Variants in CMSS1 observed in about 807,000 individuals in gnomAD.
CMSS1 encodes protein CMSS1.
CMSS1 carries 33 observed loss-of-function variants against 43.5 expected under a neutral mutation model. The observed-to-expected ratio is 0.76, with a 90% CI of 0.57 to 1.01. The LOEUF is 1.01. Ranked by LOEUF, CMSS1 falls within the 50% of genes least tolerant of loss-of-function variation. The pLI is 0.00. For synonymous variants in CMSS1, 115 were observed against 117.2 expected, an observed-to-expected ratio of 0.98 and a Z score of 0.12; for missense variants, 313 against 326.4, an observed-to-expected ratio of 0.96 and a Z score of 0.32.
At chr3:100,026,205 C>T (rs766037393) in intron 1 of CMSS1, among the ~76,000 whole-genome samples, 7 of 151,980 alleles carry the variant, frequency 4.6e-5, no homozygotes, top group Non-Finnish European at 8.8e-5. Flanking sequence ...CTTTTTATGG[C>T]CTGTTTTAAA....
At chr3:99,923,539 T>C (rs1193029660) in intron 1 of CMSS1, among the ~76,000 whole-genome samples, 1 of 152,204 alleles carries the variant, frequency 6.6e-6, no homozygotes, top group African/African-American at 2.4e-5. Context: ...TAATTCATAT[T>C]GACTAAACAT....
chr3:99,983,255 C>T (rs1709179785), intron 1 of CMSS1, among the ~76,000 whole-genome samples: 2 of 150,984 alleles, frequency 1.3e-5, no homozygotes, highest in East Asian at 1.9e-4. Flanking sequence ...AAGTACCAGC[C>T]GGGCACAGTG....
chr3:100,004,598 A>G (rs1709935689), intron 1 of CMSS1, among the ~76,000 whole-genome samples: 1 of 152,176 alleles, frequency 6.6e-6, no homozygotes, highest in South Asian at 2.1e-4. Flanking sequence ...GAATTAAGAA[A>G]CATCATCATC....
intron 1 of CMSS1, among the ~76,000 whole-genome samples, chr3:99,914,303 G>T (rs1706884557): frequency 2.6e-5 from 4 of 152,290 alleles, no homozygotes; most frequent in Non-Finnish European, 5.9e-5. Context: ...ATTTTTGGAA[G>T]ACCAGTGATG....
At position 99,831,505 on chromosome 3, in the gene CMSS1, C is replaced by G. The variant is rs562232699; in HGVS notation, c.64+13462C>G. 4.6e-5 allele frequency among the ~76,000 whole-genome samples: 7 copies of G among 152,264 alleles called. No individual in the cohort carries two copies. In the South Asian group the frequency reaches 1.4e-3, roughly 32 times the overall value. On this transcript the variant is annotated intron_variant, in intron 1 of 9. Transcript: ENST00000421999. ...AAAAGGAAGGAAACAACTTGGAGATCAGGACATTTCTGTGAACAACCATAT... is the reference window on the plus strand; with the variant it reads ...AAAAGGAAGGAAACAACTTGGAGATGAGGACATTTCTGTGAACAACCATAT...
At chr3:99,928,995 A>T (rs1707385163) in intron 1 of CMSS1, among the ~76,000 whole-genome samples, 1 of 152,222 alleles carries the variant, frequency 6.6e-6, no homozygotes, top group African/African-American at 2.4e-5. Context: ...TAGCAAGGAC[A>T]TTAGAGGTCA....
chr3:100,010,192 C>G, intron 1 of CMSS1: 1 of 894,588 alleles, frequency 1.1e-6, no homozygotes, highest in Non-Finnish European at 1.3e-6. Context: ...TAAAGTATTG[C>G]TATTTTTATC....
intron 1 of CMSS1, among the ~76,000 whole-genome samples, chr3:99,976,104 C>T (rs1178662758): frequency 1.3e-5 from 2 of 152,066 alleles, no homozygotes; most frequent in African/African-American, 4.8e-5. Context: ...AGGCTGGTCT[C>T]GAACTTTTGA....
intron 1 of CMSS1, among the ~76,000 whole-genome samples, chr3:99,940,842 A>C (rs1216312163): frequency 1.3e-5 from 2 of 152,220 alleles, no homozygotes; most frequent in Admixed American, 1.3e-4. Flanking sequence ...AGAGGAGGTC[A>C]AGAGTTTCCA....
intron 1 of CMSS1, among the ~76,000 whole-genome samples, chr3:100,017,455 A>G (rs896363862): frequency 6.6e-6 from 1 of 152,230 alleles, no homozygotes; most frequent in African/African-American, 2.4e-5. Context: ...CTCTTTAACC[A>G]TCTGTCCTAT....
chr3:100,046,344 A>G lies in CMSS1; in HGVS notation c.65-100629A>G, dbSNP rs77585766. ...AAAAAGGGAAATTCAGAATTTGCAG[A>G]ATTATTTTTATATTTGGCAATGTAG... On this transcript the variant is annotated intron_variant, in intron 1 of 9. Coordinates refer to ENST00000421999, the MANE Select transcript of CMSS1 (RefSeq NM_032359.4). Among the ~76,000 whole-genome samples the G allele has an allele frequency of 4.3e-3, 662 of 152,332 alleles. 7 individuals carry two copies. The highest frequency in any genetic ancestry group is 0.016 in the African/African-American group (649 of 41,578).
At chr3:100,011,170 G>T (rs1710145357) in intron 1 of CMSS1, among the ~76,000 whole-genome samples, 1 of 152,086 alleles carries the variant, frequency 6.6e-6, no homozygotes, top group Non-Finnish European at 1.5e-5. Context: ...AATGGTTCTG[G>T]ATCTTTCATT....
intron 1 of CMSS1, among the ~76,000 whole-genome samples, chr3:100,059,035 T>G (rs960132105): frequency 6.6e-6 from 1 of 152,250 alleles, no homozygotes; most frequent in Admixed American, 6.5e-5. Flanking sequence ...GTAGATAGAC[T>G]TGAAATAAAG....
At chr3:99,979,291 TTC>T (rs1297845800) in intron 1 of CMSS1, among the ~76,000 whole-genome samples, 2 of 152,220 alleles carry the variant, frequency 1.3e-5, no homozygotes, top group East Asian at 3.9e-4. Flanking sequence ...TTTTATTATG[TTC>T]TCTCTTTATG....
At chr3:100,091,706 AAAT>A (rs1330408953) in intron 1 of CMSS1, among the ~76,000 whole-genome samples, 1 of 152,258 alleles carries the variant, frequency 6.6e-6, no homozygotes, top group African/African-American at 2.4e-5. Flanking sequence ...ACAAGAATAA[AAAT>A]AATGGAAAAC....
At chr3:100,106,158 A>G (rs138705666) in intron 1 of CMSS1, among the ~76,000 whole-genome samples, 64 of 152,286 alleles carry the variant, frequency 4.2e-4, no homozygotes, top group African/African-American at 1.5e-3. Flanking sequence ...CAGATACCAC[A>G]TAGTAAATCA....
chr3:100,172,364 G>A lies in CMSS1; in HGVS notation c.628G>A (p.Val210Ile). ...GGAGAAGCGTGTGGTGCACCTGGGT[G>A]TAGGAACTCCGGGGAGAATTAAAGA... Reference protein sequence around the residue: ...LLEKRVVHLGVGTPGRIKELV... With the variant: ...LLEKRVVHLGIGTPGRIKELV... Residue 210 changes from valine to isoleucine, a missense_variant, in exon 8 of 10, where the codon GTA becomes ATA. Coordinates refer to ENST00000421999, the MANE Select transcript of CMSS1 (RefSeq NM_032359.4). The A allele has an allele frequency of 1.2e-6, 2 of 1,613,908 alleles. No individual in the cohort carries two copies. The highest frequency in any genetic ancestry group is 8.5e-7 in the Non-Finnish European group (1 of 1,179,866).
At chr3:100,127,650 C>T (rs1170614605) in intron 1 of CMSS1, among the ~76,000 whole-genome samples, 2 of 152,198 alleles carry the variant, frequency 1.3e-5, no homozygotes, top group African/African-American at 2.4e-5. Flanking sequence ...CCATCTCTCA[C>T]TTAGAAACTT....
chr3:99,963,892 A>G (rs1708567008), intron 1 of CMSS1, among the ~76,000 whole-genome samples: 1 of 152,186 alleles, frequency 6.6e-6, no homozygotes, highest in Non-Finnish European at 1.5e-5. Context: ...CTGGGATTAC[A>G]GGTGTGAGCC....
Sources: gnomAD v4.1 joint callset for allele counts (sites outside exome capture counted in the v4.1 genomes callset) on GRCh38, gnomAD v4.1.1 for gene constraint, MANE v1.5 for transcripts, NCBI Gene and HGNC (gene_info 2026-07-23, HGNC 2026-07-21) for gene names.